EIF2B3: variants seen among roughly 807,000 people sequenced by gnomAD.
The protein encoded by EIF2B3 is eukaryotic translation initiation factor 2B subunit gamma.
In EIF2B3, 20 loss-of-function variants were observed where a neutral mutation model predicts 54.1. The ratio of observed to expected loss-of-function variants is 0.37; its 90% CI spans 0.26 to 0.54. The LOEUF (loss-of-function observed/expected upper bound fraction) is 0.54. Among genes scored for constraint, EIF2B3 ranks in the 20% least tolerant of loss-of-function variants. The pLI, the probability that EIF2B3 is intolerant of heterozygous loss-of-function variation, is 0.86. For synonymous variants in EIF2B3, 153 were observed against 188.1 expected, an observed-to-expected ratio of 0.81 and a Z score of 1.52; for missense variants, 448 against 547.8, an observed-to-expected ratio of 0.82 and a Z score of 1.82.
chr1:44,866,558 A>ATT (rs751796128), intron 10 of EIF2B3, among the ~76,000 whole-genome samples: 75 of 144,190 alleles, frequency 5.2e-4, no homozygotes, highest in Middle Eastern at 7.2e-3. Context: ...GGCTATGACA[A>ATT]TTTTTTTTTT....
intron 4 of EIF2B3, among the ~76,000 whole-genome samples, chr1:44,928,143 CCTT>C (rs1261110710): frequency 1.3e-5 from 2 of 151,828 alleles, no homozygotes; most frequent in Non-Finnish European, 2.9e-5. Flanking sequence ...CAGACCAAGA[CCTT>C]CTCTCAGAAA....
intron 3 of EIF2B3, among the ~76,000 whole-genome samples, chr1:44,977,426 C>A (rs1332767182): frequency 6.6e-6 from 1 of 151,992 alleles, no homozygotes; most frequent in Admixed American, 6.6e-5. Context: ...TGTTCACAAA[C>A]TTCATATGAA....
intron 3 of EIF2B3, among the ~76,000 whole-genome samples, chr1:44,957,606 C>G (rs1644241406): frequency 6.6e-6 from 1 of 151,636 alleles, no homozygotes; most frequent in South Asian, 2.1e-4. Flanking sequence ...ACTAAAAATA[C>G]AAAAATCAGC....
chr1:44,926,654 C>T lies in EIF2B3; in HGVS notation c.540G>A (p.Leu180=). The T allele has an allele frequency of 6.2e-7, 1 of 1,613,924 alleles. No individual in the cohort carries two copies. The highest frequency in any genetic ancestry group is 8.5e-7 in the Non-Finnish European group (1 of 1,179,940). ...MANEADLDEE[L]VIKGSILQKH... ...TCTGTAGGATGGATCCCTTAATGAC[C>T]AGCTCTTCATCCAAGTCTGCTTCAT... Residue 180 remains leucine, a synonymous_variant, in exon 5 of 12, where the codon CTG becomes CTA. Coordinates refer to ENST00000360403, the MANE Select transcript of EIF2B3 (RefSeq NM_020365.5).
At chr1:44,945,553 C>CAA (rs199816888) in intron 3 of EIF2B3, among the ~76,000 whole-genome samples, 2 of 103,876 alleles carry the variant, frequency 1.9e-5, no homozygotes, top group Admixed American at 2.0e-4. Flanking sequence ...GACTCCGTCT[C>CAA]AAAAAAAAAA....
At chr1:44,961,879 C>A (rs1644288224) in intron 3 of EIF2B3, among the ~76,000 whole-genome samples, 1 of 152,062 alleles carries the variant, frequency 6.6e-6, no homozygotes, top group Non-Finnish European at 1.5e-5. Flanking sequence ...CACCACATCA[C>A]CCTACCTTAT....
chr1:44,897,458 A>C lies in EIF2B3; in HGVS notation c.567-14T>G, dbSNP rs772658896. On this transcript the variant is annotated splice_polypyrimidine_tract_variant and intron_variant, in intron 5 of 11. Coordinates refer to ENST00000360403, the MANE Select transcript of EIF2B3 (RefSeq NM_020365.5). ...ATTCTAGGATGCCTGCAAAAAAATA[A>C]AAAATAAAAGAAAGAAAGAAGAGGC... 3.1e-6 allele frequency: 5 copies of C among 1,590,778 alleles called. No individual in the cohort carries two copies. Among genetic ancestry groups the C allele is most frequent in the Non-Finnish European group, 4.3e-6 (5 of 1,165,886 alleles).
intron 1 of EIF2B3, among the ~76,000 whole-genome samples, chr1:44,985,025 C>G (rs1233105657): frequency 1.3e-5 from 2 of 151,248 alleles, no homozygotes; most frequent in Non-Finnish European, 2.9e-5. Flanking sequence ...CCAGGATGGT[C>G]TCGATCTCCT....
chr1:44,926,033 GC>G (rs1309588033), intron 5 of EIF2B3, among the ~76,000 whole-genome samples: 1 of 151,712 alleles, frequency 6.6e-6, no homozygotes, highest in African/African-American at 2.4e-5. Context: ...CTAGAGACCA[GC>G]CTGGCCAACA....
intron 11 of EIF2B3, among the ~76,000 whole-genome samples, chr1:44,855,356 A>C (rs1346875289): frequency 6.6e-6 from 1 of 152,174 alleles, no homozygotes; most frequent in East Asian, 1.9e-4. Flanking sequence ...GGAGTTTATG[A>C]AGCCCATCTC....
chr1:44,853,985 G>A (rs1444840647), intron 11 of EIF2B3, among the ~76,000 whole-genome samples: 1 of 150,484 alleles, frequency 6.6e-6, no homozygotes, highest in Non-Finnish European at 1.5e-5. Flanking sequence ...CATGCTTTTA[G>A]CAGTTAGTGT....
intron 3 of EIF2B3, chr1:44,959,278 G>A (rs1249073419): frequency 1.5e-6 from 1 of 674,998 alleles, no homozygotes; most frequent in East Asian, 2.8e-5. Context: ...TTTTTTTGTG[G>A]GTTCTTCCAC....
intron 3 of EIF2B3, among the ~76,000 whole-genome samples, chr1:44,944,900 A>AT (rs933260360): frequency 0.018 from 2,613 of 147,166 alleles, 59 homozygotes; most frequent in African/African-American, 0.053. Flanking sequence ...GTCTACATGT[A>AT]TTTTTTTTTT....
intron 11 of EIF2B3, among the ~76,000 whole-genome samples, chr1:44,854,216 T>G (rs569135963): frequency 5.1e-4 from 77 of 152,232 alleles, no homozygotes; most frequent in Middle Eastern, 6.8e-3. Flanking sequence ...TTGGCTGGGC[T>G]GGTCTCGAAC....
chr1:44,960,083 A>C (rs1644268057), intron 3 of EIF2B3, among the ~76,000 whole-genome samples: 1 of 152,124 alleles, frequency 6.6e-6, no homozygotes, highest in African/African-American at 2.4e-5. Context: ...CCTTCATATT[A>C]ACTTGTTTGG....
intron 3 of EIF2B3, among the ~76,000 whole-genome samples, chr1:44,947,698 C>G (rs1440200345): frequency 6.6e-6 from 1 of 152,084 alleles, no homozygotes; most frequent in Non-Finnish European, 1.5e-5. Context: ...CTCTACTCAC[C>G]CAGTGCTTCC....
chr1:44,860,635 T>C (rs1465895709), intron 10 of EIF2B3, among the ~76,000 whole-genome samples: 1 of 152,184 alleles, frequency 6.6e-6, no homozygotes, highest in Non-Finnish European at 1.5e-5. Flanking sequence ...AATTTAATCA[T>C]AATGCAATAC....
intron 4 of EIF2B3, among the ~76,000 whole-genome samples, chr1:44,928,150 T>C (rs1020059141): frequency 1.5e-4 from 22 of 150,718 alleles, no homozygotes; most frequent in African/African-American, 5.1e-4. Context: ...AGACCTTCTC[T>C]CAGAAATAAA....
At chr1:44,905,892 G>A (rs918716168) in intron 5 of EIF2B3, among the ~76,000 whole-genome samples, 1 of 152,132 alleles carries the variant, frequency 6.6e-6, no homozygotes, top group South Asian at 2.1e-4. Context: ...AATTAGCAAA[G>A]CCTTCCTAGG....
Sources: gnomAD v4.1 joint callset for allele counts (sites outside exome capture counted in the v4.1 genomes callset) on GRCh38, gnomAD v4.1.1 for gene constraint, MANE v1.5 for transcripts, NCBI Gene and HGNC (gene_info 2026-07-23, HGNC 2026-07-21) for gene names.